Variants in RNF10 observed in about 807,000 individuals in gnomAD.
The protein encoded by RNF10 is ring finger protein 10.
In RNF10, 38 loss-of-function variants were observed where a neutral mutation model predicts 91.4. The ratio of observed to expected loss-of-function variants is 0.42; its 90% CI spans 0.32 to 0.54. The LOEUF is 0.54. Ranked by LOEUF, RNF10 falls within the 20% of genes least tolerant of loss-of-function variation. The pLI is 0.16. For missense variants in RNF10, 945 were observed against 1,012.0 expected (o/e 0.93, Z 0.90); for synonymous variants, 364 against 366.3 (o/e 0.99, Z 0.07).
At chr12:120,555,576 C>T (rs1873862083) in intron 4 of RNF10, among the ~76,000 whole-genome samples, 1 of 151,938 alleles carries the variant, frequency 6.6e-6, no homozygotes, top group Admixed American at 6.6e-5. Context: ...CAACCTCTGC[C>T]TGCCAGGTTC....
intron 2 of RNF10, among the ~76,000 whole-genome samples, chr12:120,549,588 G>A (rs12814055): frequency 0.26 from 39,872 of 151,928 alleles, 6,027 homozygotes; most frequent in East Asian, 0.5. Flanking sequence ...AGTTTGAGAC[G>A]GGCCTGGCTA....
At chr12:120,538,596 C>T (rs1299185467) in intron 1 of RNF10, among the ~76,000 whole-genome samples, 2 of 152,044 alleles carry the variant, frequency 1.3e-5, no homozygotes, top group African/African-American at 4.8e-5. Flanking sequence ...GTGAATATAG[C>T]TCAGAGGAGA....
chr12:120,566,353 A>G (rs966432457), intron 12 of RNF10, among the ~76,000 whole-genome samples: 2 of 152,232 alleles, frequency 1.3e-5, no homozygotes, highest in African/African-American at 2.4e-5. Context: ...AAGGTTAACT[A>G]TATTAAAGAC....
chr12:120,554,770 C>T lies in RNF10; in HGVS notation c.607C>T (p.Pro203Ser). Reference sequence around the variant, plus strand: ...AGACTACACAGCTCATTTTGCTGATCCTGATACATTAGTTAACTGGGACTT... The same window carrying T: ...AGACTACACAGCTCATTTTGCTGATTCTGATACATTAGTTAACTGGGACTT... ...DQDYTAHFAD[P>S]DTLVNWDFVE... is the part of the protein sequence containing the mutation. Residue 203 changes from proline to serine, a missense_variant, in exon 4 of 17, where the codon CCT becomes TCT. Transcript: ENST00000325954. The T allele has an allele frequency of 6.2e-7, 1 of 1,614,132 alleles. No individual in the cohort carries two copies. The highest frequency in any genetic ancestry group is 1.1e-5 in the South Asian group (1 of 91,078).
intron 2 of RNF10, among the ~76,000 whole-genome samples, chr12:120,552,109 TC>T (rs1218186375): frequency 6.7e-6 from 1 of 148,978 alleles, no homozygotes; most frequent in Non-Finnish European, 1.5e-5. Flanking sequence ...AAATTCCTCT[TC>T]CTGGCCGGGC....
In RNF10 at chr12:120,534,602, C is replaced by A; in HGVS notation, c.-210C>A. The A allele has an allele frequency of 8.2e-7, 1 of 1,215,490 alleles. No homozygotes were observed. Among genetic ancestry groups the A allele is most frequent in the Non-Finnish European group, 1.1e-6 (1 of 952,108 alleles). The allele number at this position is 1,215,490 out of a possible 1,614,324, so 75.3% of individuals were successfully genotyped here. A position where few individuals can be genotyped will look rare whatever the true frequency, so the allele number is the denominator to read the frequency against. ...GACTCCCGAGCCCCGGCCTCCTCGT[C>A]CTCGGTCGCCGCTGCCGCCGGGCTT... On this transcript the variant is annotated 5_prime_UTR_variant, in exon 1 of 17. Transcript: ENST00000325954.
In RNF10 at chr12:120,576,598, G is replaced by A; in HGVS notation, c.2368G>A (p.Gly790Arg). 1.2e-6 allele frequency: 2 copies of A among 1,613,782 alleles called. No individual in the cohort carries two copies. Among genetic ancestry groups the A allele is most frequent in the Non-Finnish European group, 1.7e-6 (2 of 1,179,832 alleles). Residue 790 changes from glycine to arginine, a missense_variant, in exon 17 of 17, where the codon GGA becomes AGA. Coordinates refer to ENST00000325954, the MANE Select transcript of RNF10 (RefSeq NM_014868.5). ...ATSDPLSEEKGGKKRKKQKQK... is the reference protein window; with the variant it reads ...ATSDPLSEEKRGKKRKKQKQK... Reference sequence around the variant, plus strand: ...TCTGTGTCTCCCTTTAGAAGAGAAAGGAGGAAAGAAAAGAAAAAAACAGAA... The same window carrying A: ...TCTGTGTCTCCCTTTAGAAGAGAAAAGAGGAAAGAAAAGAAAAAAACAGAA...
chr12:120,540,854 C>CTTT (rs34034209), intron 1 of RNF10, among the ~76,000 whole-genome samples: 1 of 137,588 alleles, frequency 7.3e-6, no homozygotes. Flanking sequence ...AGTTTACTTT[C>CTTT]TTTTTTTTTT....
Position 120,534,843 on chromosome 12 carries a change from C to T in RNF10, c.32C>T (p.Thr11Ile). 1 of 1,603,910 alleles carries T rather than the reference C, an allele frequency of 6.2e-7. No individual in the cohort carries two copies. The change falls in exon 1 of 17, where the codon ACC becomes ATC. Residue 11 changes from threonine (T) to isoleucine (I), a missense_variant. Physicochemically the swap from Thr to Ile is moderately conservative, Grantham distance 89. Transcript: ENST00000325954. ...CTGAGCTCCCCCAACGCCGCCGCCA[C>T]CGCCTCCGACATGGACAAGAACAGC... Reference protein sequence around the residue: MPLSSPNAAATASDMDKNSGS... With the variant: MPLSSPNAAAIASDMDKNSGS...
chr12:120,565,346 GTGGGTTTAGCTGCTAATAC>G, intron 11 of RNF10, 63 bp from the exon 12 acceptor site: 1 of 1,348,214 alleles, frequency 7.4e-7, no homozygotes, highest in East Asian at 2.3e-5. Flanking sequence ...GCCTACTGTT[GTGGGTTTAGCTGCTAATAC>G]TGGGAGGAGG....
Position 120,546,470 on chromosome 12 carries a change from G to A in RNF10, c.223G>A (p.Glu75Lys). 1 of 1,614,146 alleles carries A rather than the reference G, an allele frequency of 6.2e-7. No individual in the cohort carries two copies. Among genetic ancestry groups the A allele is most frequent in the Non-Finnish European group, 8.5e-7 (1 of 1,180,020 alleles). ...RKRELSYPKN[E>K]SFNNQSRRSS... Reference sequence around the variant, plus strand: ...ACGTGAACTTTCCTACCCCAAAAATGAAAGTTTTAACAACCAGTCCCGTCG... The same window carrying A: ...ACGTGAACTTTCCTACCCCAAAAATAAAAGTTTTAACAACCAGTCCCGTCG... Residue 75 changes from glutamate to lysine, a missense_variant, in exon 2 of 17, where the codon GAA becomes AAA. Physicochemically the swap from Glu to Lys is moderately conservative, Grantham distance 56. Transcript: ENST00000325954.
At position 120,565,528 on chromosome 12, in the gene RNF10, G is replaced by C; in HGVS notation, c.1884G>C (p.Lys628Asn). 1 of 1,613,684 alleles carries C rather than the reference G, an allele frequency of 6.2e-7. No homozygotes were observed. Among genetic ancestry groups the C allele is most frequent in the Non-Finnish European group, 8.5e-7 (1 of 1,179,764 alleles). Residue 628 changes from lysine to asparagine, a missense_variant and splice_region_variant, in exon 12 of 17, where the codon AAG (lysine) becomes AAC (asparagine). Coordinates refer to ENST00000325954, the MANE Select transcript of RNF10 (RefSeq NM_014868.5). ...IEIEENKKQG[K>N]YPEVHIPLEN... is the part of the protein sequence containing the mutation. ...TAGAGGAGAACAAGAAACAGGGCAA[G>C]TGTAAGTTCAGGAACTTTCATCTTT...
intron 1 of RNF10, among the ~76,000 whole-genome samples, chr12:120,536,039 C>T (rs552993625): frequency 5.9e-5 from 9 of 152,196 alleles, no homozygotes; most frequent in African/African-American, 1.7e-4. Context: ...GTGTTTTCAG[C>T]GACAGTGGGG....
chr12:120,544,702 A>G (rs1872052957), intron 1 of RNF10, among the ~76,000 whole-genome samples: 1 of 152,216 alleles, frequency 6.6e-6, no homozygotes, highest in South Asian at 2.1e-4. Flanking sequence ...TAGAGTATAA[A>G]TAAATCGGTG....
Position 120,566,745 on chromosome 12 carries a change from G to C in RNF10, c.1886-80G>C. On this transcript the variant is annotated intron_variant, in intron 12 of 16. Coordinates refer to ENST00000325954, the MANE Select transcript of RNF10 (RefSeq NM_014868.5). ...CCACTACACTCCAGCCTGGGTGACA[G>C]AGTGAGACCCCATCTCAAAAAAAAA... The C allele has an allele frequency of 7.0e-6, 9 of 1,291,968 alleles. No homozygotes were observed. The South Asian group carries it at 1.0e-4, about 15-fold the overall frequency. The allele number at this position is 1,291,968 out of a possible 1,614,324, so 80.0% of individuals were successfully genotyped here. A position where few individuals can be genotyped will look rare whatever the true frequency, so the allele number is the denominator to read the frequency against.
chr12:120,565,600 C>A, intron 12 of RNF10, 71 bp downstream of exon 12: 1 of 1,350,848 alleles, frequency 7.4e-7, no homozygotes. Context: ...TGTCTGGGAC[C>A]TGGGAGCCAG....
chr12:120,572,394 G>A (rs1047277423), intron 14 of RNF10, among the ~76,000 whole-genome samples: 4 of 151,908 alleles, frequency 2.6e-5, no homozygotes, highest in Non-Finnish European at 5.9e-5. Flanking sequence ...CAGTTGATAC[G>A]GATCTTTCTT....
chr12:120,546,551 G>A lies in RNF10; in HGVS notation c.304G>A (p.Gly102Ser), dbSNP rs141915839. The change falls in exon 2 of 17, where the codon GGC (glycine) becomes AGC (serine). Residue 102 changes from glycine (G) to serine (S), a missense_variant. Coordinates refer to ENST00000325954, the MANE Select transcript of RNF10 (RefSeq NM_014868.5). The stretch of plus-strand genomic sequence containing the variant: ...CAAGATGCCTCCTCAAAGGGGCGGC[G>A]GCAGCAGCAAACTCTTTAGCTCTTC... ...FNKMPPQRGG[G>S]SSKLFSSSFN... 74 of 1,614,004 alleles carry A rather than the reference G, an allele frequency of 4.6e-5. No homozygotes were observed. Among genetic ancestry groups the A allele is most frequent in the African/African-American group, 6.7e-5 (5 of 74,898 alleles).
chr12:120,534,943 A>C lies in RNF10; in HGVS notation c.132A>C (p.Pro44=), dbSNP rs931581892. ...CGCCCCGCTCCGCCTCGGCGGGGCC[A>C]GCCGGCGAGTCTAAACCCAAGAGCG... ...QQPPRSASAG[P]AGESKPKSDG... is the part of the protein sequence containing the mutation. The change falls in exon 1 of 17, where the codon CCA becomes CCC. Residue 44 remains proline, a synonymous_variant. Transcript: ENST00000325954. The C allele has an allele frequency of 1.9e-6, 3 of 1,601,672 alleles. No individual in the cohort carries two copies. The highest frequency in any genetic ancestry group is 1.3e-5 in the African/African-American group (1 of 74,790).
Sources: allele counts gnomAD v4.1 joint callset (sites outside exome capture counted in the v4.1 genomes callset), GRCh38; gene constraint gnomAD v4.1.1; transcripts MANE v1.5; gene names NCBI Gene and HGNC (gene_info 2026-07-23, HGNC 2026-07-21).